MYO9B: variants seen among roughly 807,000 people sequenced by gnomAD.
MYO9B encodes myosin IXB, also known as unconventional myosin-IXb.
In MYO9B, 71 loss-of-function variants were observed where a neutral mutation model predicts 229.5. The observed-to-expected ratio is 0.31, with a 90% confidence interval of 0.26 to 0.38. The LOEUF is 0.38. Among genes scored for constraint, MYO9B ranks in the 10% least tolerant of loss-of-function variants. MYO9B has a pLI of 1.00. For synonymous variants in MYO9B, 1,185 were observed against 1,235.8 expected (o/e 0.96, Z 0.86); for missense variants, 2,255 against 2,920.5 (o/e 0.77, Z 5.25).
At position 17,117,337 on chromosome 19, in the gene MYO9B, C is replaced by T. The variant is rs1275304635; in HGVS notation, c.840+14780C>T. Among the ~76,000 whole-genome samples the T allele has an allele frequency of 2.0e-5, 3 of 152,322 alleles. No homozygotes were observed. In the Middle Eastern group the frequency reaches 0.01, roughly 518 times the overall value. On this transcript the variant is annotated intron_variant, in intron 2 of 39. Transcript: ENST00000682292. ...CCCAATGTCACAGTGCAGTTGCCAC[C>T]TAAGGTTTCCTTCTGTGTGACTTGG...
chr19:17,176,194 T>C (rs1450731617), intron 14 of MYO9B, among the ~76,000 whole-genome samples: 1 of 152,072 alleles, frequency 6.6e-6, no homozygotes. Context: ...CACACCCGGC[T>C]AATTTCTTTT....
intron 2 of MYO9B, among the ~76,000 whole-genome samples, chr19:17,118,989 C>T (rs936322253): frequency 5.3e-5 from 8 of 152,124 alleles, no homozygotes; most frequent in Non-Finnish European, 7.4e-5. Flanking sequence ...GACCCGTTCT[C>T]GGCACCTCTC....
intron 19 of MYO9B, among the ~76,000 whole-genome samples, chr19:17,189,797 C>T (rs2072960927): frequency 6.6e-6 from 1 of 152,074 alleles, no homozygotes; most frequent in African/African-American, 2.4e-5. Context: ...GGCGCAGTGG[C>T]TCATGCTTGT....
chr19:17,207,362 C>G (rs1018143272), intron 35 of MYO9B, 118 bp downstream of exon 35: 16 of 1,349,668 alleles, frequency 1.2e-5, no homozygotes, highest in Non-Finnish European at 1.6e-5. Context: ...CCGAGTGCAG[C>G]GGTTCACACC....
At chr19:17,121,644 C>T (rs956927814) in intron 2 of MYO9B, among the ~76,000 whole-genome samples, 1 of 152,126 alleles carries the variant, frequency 6.6e-6, no homozygotes, top group African/African-American at 2.4e-5. Context: ...CCAGCCCTCC[C>T]TAAGGAGATT....
chr19:17,209,723 A>G lies in MYO9B; in HGVS notation c.5748+14A>G, dbSNP rs1040214408. ...CGACAAAATGCTGTGAGTACCGGTG[A>G]TCGTGGGGGCGGGACCTCTTTGGTG... On this transcript the variant is annotated intron_variant, in intron 36 of 39. Transcript: ENST00000682292. The G allele has an allele frequency of 3.1e-6, 5 of 1,611,588 alleles. No individual in the cohort carries two copies. Among genetic ancestry groups the G allele is most frequent in the Non-Finnish European group, 4.2e-6 (5 of 1,178,610 alleles).
In MYO9B at chr19:17,184,674, C is replaced by T. The variant is rs1599403150; in HGVS notation, c.2374-191C>T. 7 of 621,076 alleles carry T rather than the reference C, an allele frequency of 1.1e-5. No homozygotes were observed. The East Asian group carries it at 1.8e-4, about 16-fold the overall frequency. 38.5% of individuals were successfully genotyped at this position (621,076 alleles called of 1,614,324 possible). A position where few individuals can be genotyped will look rare whatever the true frequency, so the allele number is the denominator to read the frequency against. On this transcript the variant is annotated intron_variant, in intron 16 of 39. Transcript: ENST00000682292. ...GCCCTCCCGGAACCAGCGCTGTGTG[C>T]AAGGTGCAAACCCACCTCATTCCAC...
At position 17,193,418 on chromosome 19, in the gene MYO9B, G is replaced by C. The variant is rs1451151883; in HGVS notation, c.3128+356G>C. Among the ~76,000 whole-genome samples the C allele has an allele frequency of 6.6e-6, 1 of 152,192 alleles. No individual in the cohort carries two copies. Among genetic ancestry groups the C allele is most frequent in the Non-Finnish European group, 1.5e-5 (1 of 68,032 alleles). On this transcript the variant is annotated intron_variant, in intron 21 of 39. Coordinates refer to ENST00000682292, the MANE Select transcript of MYO9B (RefSeq NM_004145.4). This position sits in a 1 kb window ranked among gnomAD's most constrained non-coding sequence, Gnocchi z 4.3. ...GGAGCTGGGGCATCCACCGGGCACAGAGAAGCCCCCAGGAGGATATCAGCA... is the reference window on the plus strand; with the variant it reads ...GGAGCTGGGGCATCCACCGGGCACACAGAAGCCCCCAGGAGGATATCAGCA...
At position 17,210,132 on chromosome 19, in the gene MYO9B, C is replaced by T. The variant is rs148349513; in HGVS notation, c.5749-201C>T. ...TGCGTCCAGCCTTGTCCCTTCTGAC[C>T]TGGGCCCTACCCACGGGGAAATGTT... On this transcript the variant is annotated intron_variant, in intron 36 of 39. Coordinates refer to ENST00000682292, the MANE Select transcript of MYO9B (RefSeq NM_004145.4). Among the ~76,000 whole-genome samples, 296 of 152,310 alleles carry T rather than the reference C, an allele frequency of 1.9e-3. 1 individual carries two copies. The highest frequency in any genetic ancestry group is 3.9e-3 in the Non-Finnish European group (262 of 68,022).
chr19:17,123,767 A>T (rs1474777085), intron 2 of MYO9B, among the ~76,000 whole-genome samples: 2 of 152,148 alleles, frequency 1.3e-5, no homozygotes, highest in Admixed American at 1.3e-4. Context: ...GGTTGAGTAG[A>T]TAGAAAATAG....
intron 19 of MYO9B, among the ~76,000 whole-genome samples, chr19:17,189,284 G>A (rs779086043): frequency 6.6e-6 from 1 of 152,128 alleles, no homozygotes; most frequent in Non-Finnish European, 1.5e-5. Flanking sequence ...TTATGACTGA[G>A]CCACTGCATT....
rs2072856207 is a variant in MYO9B, at chr19:17,181,149, C to T, written c.2333+109C>T. ...CCTAATTTGCATCGGCCACTAAAAC[C>T]ACAGTGCTGTCTCATGGCCCACCCC... On this transcript the variant is annotated intron_variant, in intron 15 of 39. Transcript: ENST00000682292. The T allele has an allele frequency of 8.6e-6, 6 of 698,246 alleles. No individual in the cohort carries two copies. The East Asian group carries it at 1.7e-4, about 20-fold the overall frequency. The allele number at this position is 698,246 out of a possible 1,614,324, so 43.3% of individuals were successfully genotyped here. A position where few individuals can be genotyped will look rare whatever the true frequency, so the allele number is the denominator to read the frequency against.
chr19:17,206,529 G>A, intron 33 of MYO9B, 150 bp from the exon 34 acceptor site: 1 of 1,326,730 alleles, frequency 7.5e-7, no homozygotes, highest in Admixed American at 2.3e-5. Context: ...CCCCAGTTTG[G>A]GGTGGGGCCA....
At chr19:17,206,510 A>T in intron 33 of MYO9B, 134 bp downstream of exon 33, 1 of 1,411,744 alleles carries the variant, frequency 7.1e-7, no homozygotes, top group Non-Finnish European at 9.5e-7. Context: ...CGGCCCAGCC[A>T]AACCGGGTCC....
chr19:17,095,108 G>A (rs1025533772), intron 1 of MYO9B, among the ~76,000 whole-genome samples: 4 of 152,240 alleles, frequency 2.6e-5, no homozygotes, highest in East Asian at 1.9e-4. Flanking sequence ...GTGTGGTGGC[G>A]GATGCCTGTA....
chr19:17,208,067 G>GCCAGC (rs894052822), intron 35 of MYO9B: 8 of 150,900 alleles, frequency 5.3e-5, no homozygotes, highest in Non-Finnish European at 1.0e-4. Context: ...TGCCTATAAT[G>GCCAGC]CCAGCTACTG....
At chr19:17,150,533 A>G (rs914242640) in intron 3 of MYO9B, among the ~76,000 whole-genome samples, 2 of 152,182 alleles carry the variant, frequency 1.3e-5, no homozygotes, top group African/African-American at 2.4e-5. Context: ...GCATAACAGG[A>G]TGGGCTCAGA....
At chr19:17,171,626 C>A (rs150098994) in intron 11 of MYO9B, among the ~76,000 whole-genome samples, 143 of 152,246 alleles carry the variant, frequency 9.4e-4, no homozygotes, top group African/African-American at 3.3e-3. Flanking sequence ...AGTGAGCCAC[C>A]CAGACTCAGG....
chr19:17,106,133 T>C (rs1324949339), intron 2 of MYO9B, among the ~76,000 whole-genome samples: 1 of 152,008 alleles, frequency 6.6e-6, no homozygotes, highest in Admixed American at 6.6e-5. Flanking sequence ...GTAGCTGGAA[T>C]TCCAGGTGTG....
Sources: gnomAD v4.1 joint callset for allele counts (sites outside exome capture counted in the v4.1 genomes callset) on GRCh38, gnomAD v4.1.1 for gene constraint, Gnocchi (gnomAD v3.1) non-coding constraint, MANE v1.5 for transcripts, NCBI Gene and HGNC (gene_info 2026-07-23, HGNC 2026-07-21) for gene names.